Variants in CHST3 observed in about 807,000 individuals in gnomAD.
The protein encoded by CHST3 is C6ST-1.
Under a neutral mutation model 35.4 loss-of-function variants are expected in CHST3, and 20 were observed. The observed-to-expected ratio is 0.57, with a 90% CI of 0.40 to 0.82. CHST3 has a LOEUF of 0.82. Ranked by LOEUF, CHST3 falls within the 40% of genes least tolerant of loss-of-function variation. The pLI, the probability that CHST3 is intolerant of heterozygous loss-of-function variation, is 0.00. For synonymous variants in CHST3, 334 were observed against 295.9 expected (o/e 1.13, Z -1.32); for missense variants, 693 against 670.1 (o/e 1.03, Z -0.38).
rs1481553835 is a variant in CHST3 at position 71,964,722 on chromosome 10, C to T, written c.-108+28C>T. 19 of 152,182 alleles carry T rather than the reference C, an allele frequency of 1.2e-4. No homozygotes were observed. In the East Asian group the frequency reaches 3.5e-3, roughly 28 times the overall value. The allele number at this position is 152,182 out of a possible 1,614,324, so 9.4% of individuals were successfully genotyped here. ...AAGTGGGGCGCCGGCGTCCTGGAACCGCCGCCCAGCCCGGGGGAGGCCGCC... is the reference window on the plus strand; with the variant it reads ...AAGTGGGGCGCCGGCGTCCTGGAACTGCCGCCCAGCCCGGGGGAGGCCGCC... On this transcript the variant is annotated intron_variant, in intron 1 of 2. Coordinates refer to ENST00000373115, the MANE Select transcript of CHST3 (RefSeq NM_004273.5).
Position 72,008,400 on chromosome 10 carries a change from C to T in CHST3, c.1369C>T (p.Arg457Trp). The T allele has an allele frequency of 1.3e-6, 2 of 1,570,884 alleles. No individual in the cohort carries two copies. The highest frequency in any genetic ancestry group is 1.7e-6 in the Non-Finnish European group (2 of 1,159,200). ...GCGCCTCTTCGGCTACAAACTGGCGCGGGACGCCGCCGCCCTCACCAACCG... is the reference window on the plus strand; with the variant it reads ...GCGCCTCTTCGGCTACAAACTGGCGTGGGACGCCGCCGCCCTCACCAACCG... Reference protein sequence around the residue: ...AMRLFGYKLARDAAALTNRSV... With the variant: ...AMRLFGYKLAWDAAALTNRSV... Residue 457 changes from arginine to tryptophan, a missense_variant, in exon 3 of 3, where the codon CGG (arginine) becomes TGG (tryptophan). Arg to Trp is a moderately radical substitution (Grantham distance 101). Transcript: ENST00000373115.
intron 1 of CHST3, among the ~76,000 whole-genome samples, chr10:72,003,397 A>G (rs1290606793): frequency 6.6e-6 from 1 of 152,180 alleles, no homozygotes; most frequent in Non-Finnish European, 1.5e-5. Context: ...GGACTATTCC[A>G]GTTAGGAATA....
rs1840071835 is a variant in CHST3 at position 72,008,417 on chromosome 10, C to G, written c.1386C>G (p.Leu462=). 5.7e-6 allele frequency: 9 copies of G among 1,574,140 alleles called. No individual in the cohort carries two copies. The East Asian group carries it at 1.9e-4, about 33-fold the overall frequency. ...GYKLARDAAA[L]TNRSVSLLEE... is the part of the protein sequence containing the mutation. ...AACTGGCGCGGGACGCCGCCGCCCTCACCAACCGCTCAGTCAGCCTGCTGG... is the reference window on the plus strand; with the variant it reads ...AACTGGCGCGGGACGCCGCCGCCCTGACCAACCGCTCAGTCAGCCTGCTGG... The change falls in exon 3 of 3, where the codon CTC becomes CTG. Residue 462 remains leucine, a synonymous_variant. Transcript: ENST00000373115.
intron 1 of CHST3, among the ~76,000 whole-genome samples, chr10:71,974,909 G>A (rs1002338628): frequency 6.6e-6 from 1 of 152,198 alleles, no homozygotes; most frequent in Admixed American, 6.5e-5. Context: ...TGCTGAGGCA[G>A]AAGCTTCTGG....
chr10:72,008,346 G>A lies in CHST3; in HGVS notation c.1315G>A (p.Val439Met). The stretch of plus-strand genomic sequence containing the variant: ...CAGCATGCCCTTCAAGCTGGCCCAG[G>A]TGGTGCAGGCCGCCTGCGGCCCTGC... The part of the protein sequence containing the change: ...RFSMPFKLAQ[V>M]VQAACGPAMR... The change falls in exon 3 of 3, where the codon GTG (valine) becomes ATG (methionine). Residue 439 changes from valine to methionine, a missense_variant. Val to Met is a conservative substitution (Grantham distance 21). Coordinates refer to ENST00000373115, the MANE Select transcript of CHST3 (RefSeq NM_004273.5). The A allele has an allele frequency of 6.4e-7, 1 of 1,569,872 alleles. No homozygotes were observed. The highest frequency in any genetic ancestry group is 8.6e-7 in the Non-Finnish European group (1 of 1,158,130).
At chr10:71,965,474 G>C (rs1028543570) in intron 1 of CHST3, among the ~76,000 whole-genome samples, 7 of 152,222 alleles carry the variant, frequency 4.6e-5, no homozygotes, top group Non-Finnish European at 1.0e-4. Flanking sequence ...CAAGGGAACC[G>C]GGTGAGCAGA....
chr10:72,000,277 T>G (rs912712294), intron 1 of CHST3, among the ~76,000 whole-genome samples: 2 of 152,232 alleles, frequency 1.3e-5, no homozygotes, highest in Admixed American at 1.3e-4. Flanking sequence ...ACCCACTCTG[T>G]GCCAGGTACA....
At chr10:71,970,809 T>G (rs1015236646) in intron 1 of CHST3, among the ~76,000 whole-genome samples, 1 of 152,228 alleles carries the variant, frequency 6.6e-6, no homozygotes, top group Admixed American at 6.5e-5. Flanking sequence ...TTAGGGTGGA[T>G]AGACCAAAGC....
rs1264104829 is a variant in CHST3, at chr10:72,010,889, A to G, written c.*2418A>G. 6.6e-6 allele frequency: 1 copy of G among 152,190 alleles called. No homozygotes were observed. The highest frequency in any genetic ancestry group is 1.9e-4 in the East Asian group (1 of 5,178). The allele number at this position is 152,190 out of a possible 1,614,324, so 9.4% of individuals were successfully genotyped here. A position where few individuals can be genotyped will look rare whatever the true frequency, so the allele number is the denominator to read the frequency against. On this transcript the variant is annotated 3_prime_UTR_variant, in exon 3 of 3. Transcript: ENST00000373115. ...CTTCCTAGGGGCCCTGCTAATGTGG[A>G]CAGTAGACTTTATCCCTCCTTCTTA...
At chr10:71,992,686 G>C (rs185722942) in intron 1 of CHST3, among the ~76,000 whole-genome samples, 1,807 of 130,370 alleles carry the variant, frequency 0.014, 49 homozygotes, top group African/African-American at 0.051. Context: ...TTGAGATGGA[G>C]TTTCACTTTT....
In CHST3 at chr10:71,964,534, C is replaced by A. The variant is rs1053518527; in HGVS notation, c.-268C>A. On this transcript the variant is annotated 5_prime_UTR_variant, in exon 1 of 3. Transcript: ENST00000373115. ...GCAGCGCCTCCATCCCTCCGGCCCG[C>A]CCCGGAGAAGACGCACAGCTCGGGC... 6.6e-6 allele frequency: 1 copy of A among 152,096 alleles called. No homozygotes were observed. Among genetic ancestry groups the A allele is most frequent in the Non-Finnish European group, 1.5e-5 (1 of 68,010 alleles). 9.4% of individuals were successfully genotyped at this position (152,096 alleles called of 1,614,324 possible). A position where few individuals can be genotyped will look rare whatever the true frequency, so the allele number is the denominator to read the frequency against.
At position 72,008,810 on chromosome 10, in the gene CHST3, T is replaced by G; in HGVS notation, c.*339T>G. 4.6e-6 allele frequency: 1 copy of G among 217,476 alleles called. No individual in the cohort carries two copies. The highest frequency in any genetic ancestry group is 9.1e-6 in the Non-Finnish European group (1 of 110,192). 13.5% of individuals were successfully genotyped at this position (217,476 alleles called of 1,614,324 possible). A position where few individuals can be genotyped will look rare whatever the true frequency, so the allele number is the denominator to read the frequency against. The stretch of plus-strand genomic sequence containing the variant: ...CCCTGCAGGCCAGAGTCCAAATATT[T>G]AACAATCAGAAGGGGCAAGGCTCTG... On this transcript the variant is annotated 3_prime_UTR_variant, in exon 3 of 3. Transcript: ENST00000373115.
rs769540174 is a variant in CHST3, at chr10:72,007,558, C to CG, written c.533dup (p.Ala179ArgfsTer141). On this transcript the variant is annotated frameshift_variant, in exon 3 of 3. Transcript: ENST00000373115. LOFTEE classifies it high-confidence loss of function. The stretch of plus-strand genomic sequence containing the variant: ...ATCGAGCGCACAGTGTCCTTCGAGC[C>CG]GGGGGGCGCCAACGCCGCGGGCTCG... The CG allele has an allele frequency of 1.4e-5, 23 of 1,606,802 alleles. No homozygotes were observed. In the South Asian group the frequency reaches 2.2e-4, roughly 15 times the overall value.
chr10:71,999,657 C>G (rs548078307), intron 1 of CHST3, among the ~76,000 whole-genome samples: 1 of 152,314 alleles, frequency 6.6e-6, no homozygotes, highest in African/African-American at 2.4e-5. Flanking sequence ...CTTGCTGGGA[C>G]CCCCACCTTC....
chr10:71,976,433 A>T (rs896936707), intron 1 of CHST3, among the ~76,000 whole-genome samples: 19 of 152,132 alleles, frequency 1.2e-4, no homozygotes, highest in Admixed American at 4.6e-4. Flanking sequence ...AGTTCTGTGT[A>T]GTTTGTACAA....
chr10:71,987,592 T>C (rs1839860319), intron 1 of CHST3, among the ~76,000 whole-genome samples: 2 of 151,726 alleles, frequency 1.3e-5, no homozygotes, highest in Non-Finnish European at 2.9e-5. Context: ...GGTGCCTAAC[T>C]GTAATCCCAA....
intron 1 of CHST3, among the ~76,000 whole-genome samples, chr10:71,971,327 T>A (rs1313714421): frequency 6.6e-6 from 1 of 152,202 alleles, no homozygotes; most frequent in Non-Finnish European, 1.5e-5. Flanking sequence ...GCTCCGCACG[T>A]CCACATGTTC....
intron 1 of CHST3, among the ~76,000 whole-genome samples, chr10:71,965,144 GT>G (rs902078057): frequency 6.6e-6 from 1 of 152,230 alleles, no homozygotes; most frequent in Non-Finnish European, 1.5e-5. Flanking sequence ...GGCTGCCTGG[GT>G]TTTGAAAACT....
chr10:72,008,156 A>G lies in CHST3; in HGVS notation c.1125A>G (p.Ala375=), dbSNP rs1429309594. Reference sequence around the variant, plus strand: ...TGCTGGTGCGCTACGAGGACGTGGCACGCGGGCCGCTGCAGAAGGCCCGCG... The same window carrying G: ...TGCTGGTGCGCTACGAGGACGTGGCGCGCGGGCCGCTGCAGAAGGCCCGCG... ...RYMLVRYEDV[A]RGPLQKAREM... is the part of the protein sequence containing the mutation. The change falls in exon 3 of 3, where the codon GCA becomes GCG. Residue 375 remains alanine, a synonymous_variant. Coordinates refer to ENST00000373115, the MANE Select transcript of CHST3 (RefSeq NM_004273.5). 1 of 1,548,448 alleles carries G rather than the reference A, an allele frequency of 6.5e-7. No individual in the cohort carries two copies. Among genetic ancestry groups the G allele is most frequent in the African/African-American group, 1.4e-5 (1 of 72,984 alleles).
Sources: gnomAD v4.1 joint callset for allele counts (sites outside exome capture counted in the v4.1 genomes callset) on GRCh38, gnomAD v4.1.1 for gene constraint, MANE v1.5 for transcripts, NCBI Gene and HGNC (gene_info 2026-07-23, HGNC 2026-07-21) for gene names.